The following TGFBR2 variants were observed in gnomAD, a reference collection of about 807,000 sequenced individuals.
TGFBR2 encodes TGF-beta receptor type-2.
In TGFBR2, 18 loss-of-function variants were observed where a neutral mutation model predicts 49.0. The ratio of observed to expected loss-of-function variants is 0.37; its 90% CI spans 0.25 to 0.54. The LOEUF (loss-of-function observed/expected upper bound fraction) is 0.54, where lower values mean the gene tolerates loss of function less well. Among genes scored for constraint, TGFBR2 ranks in the 20% least tolerant of loss-of-function variants. The pLI is 0.85. For missense variants in TGFBR2, 525 were observed against 722.6 expected (o/e 0.73, Z 3.13); for synonymous variants, 282 against 275.9 (o/e 1.02, Z -0.22).
chr3:30,660,109 G>T (rs13078527), intron 3 of TGFBR2, among the ~76,000 whole-genome samples: 1 of 152,048 alleles, frequency 6.6e-6, no homozygotes, highest in African/African-American at 2.4e-5. Flanking sequence ...TTAACTTTTA[G>T]AGAAATAATT....
At chr3:30,619,198 A>G (rs1478745587) in intron 1 of TGFBR2, among the ~76,000 whole-genome samples, 3 of 152,208 alleles carry the variant, frequency 2.0e-5, no homozygotes, top group Non-Finnish European at 2.9e-5. Flanking sequence ...CGCAAAATCT[A>G]TAACCATTTG....
At chr3:30,689,787 T>C (rs1464883459) in intron 6 of TGFBR2, among the ~76,000 whole-genome samples, 1 of 152,234 alleles carries the variant, frequency 6.6e-6, no homozygotes, top group Non-Finnish European at 1.5e-5. Context: ...GTTCTCGTAA[T>C]GATGCCATTA....
At chr3:30,677,437 C>T (rs1469000078) in intron 5 of TGFBR2, among the ~76,000 whole-genome samples, 1 of 152,198 alleles carries the variant, frequency 6.6e-6, no homozygotes, top group African/African-American at 2.4e-5. Flanking sequence ...CTATTTCTCC[C>T]ATCTTTGCTC....
chr3:30,659,430 A>G (rs995435), intron 3 of TGFBR2, among the ~76,000 whole-genome samples: 105,613 of 151,886 alleles, frequency 0.7, 37,114 homozygotes, highest in Non-Finnish European at 0.74. Context: ...ATGTCTGGCC[A>G]AGGAAATAAT....
At chr3:30,634,557 C>CT (rs776222789) in intron 1 of TGFBR2, among the ~76,000 whole-genome samples, 1 of 152,128 alleles carries the variant, frequency 6.6e-6, no homozygotes, top group African/African-American at 2.4e-5. Flanking sequence ...TTTAGGTTGA[C>CT]TAATTTTGCT....
intron 1 of TGFBR2, among the ~76,000 whole-genome samples, chr3:30,620,459 A>G (rs769327117): frequency 6.6e-6 from 1 of 151,586 alleles, no homozygotes; most frequent in Non-Finnish European, 1.5e-5. Context: ...ATTGTTTGAC[A>G]GAACCATAGG....
At position 30,650,468 on chromosome 3, in the gene TGFBR2, T is replaced by A; in HGVS notation, c.454+8T>A. The A allele has an allele frequency of 6.2e-7, 1 of 1,613,942 alleles. No individual in the cohort carries two copies. Among genetic ancestry groups the A allele is most frequent in the Non-Finnish European group, 8.5e-7 (1 of 1,179,880 alleles). On this transcript the variant is annotated splice_region_variant and intron_variant, in intron 3 of 6. Transcript: ENST00000295754. ...ACATCATCTTCTCAGAAGGTGAGTT[T>A]TCTTCTCTTAAGGGTGTGGGACCTG...
intron 1 of TGFBR2, among the ~76,000 whole-genome samples, chr3:30,641,614 T>C (rs921943959): frequency 6.6e-6 from 1 of 152,180 alleles, no homozygotes; most frequent in African/African-American, 2.4e-5. Context: ...TGAAGTAATA[T>C]GCTGTATCTT....
rs1409753048 is a variant in TGFBR2 at position 30,645,378 on chromosome 3, C to T, written c.263+463C>T. 2.0e-5 allele frequency among the ~76,000 whole-genome samples: 3 copies of T among 152,016 alleles called. No individual in the cohort carries two copies. In the East Asian group the frequency reaches 5.8e-4, roughly 29 times the overall value. On this transcript the variant is annotated intron_variant, in intron 2 of 6. Transcript: ENST00000295754. ...CTACCAGCCAAAAATGGGGAATCTA[C>T]TTGGAGAACCACAAAAACAACCTGT...
At chr3:30,630,247 A>G (rs1480853720) in intron 1 of TGFBR2, among the ~76,000 whole-genome samples, 1 of 152,206 alleles carries the variant, frequency 6.6e-6, no homozygotes, top group African/African-American at 2.4e-5. Context: ...AATAGATAAG[A>G]TTCAGTGTGG....
At chr3:30,686,889 T>C (rs1215014295) in intron 5 of TGFBR2, among the ~76,000 whole-genome samples, 2 of 152,228 alleles carry the variant, frequency 1.3e-5, no homozygotes, top group Non-Finnish European at 2.9e-5. Flanking sequence ...ACTGCCACTT[T>C]GGAGAGAATC....
At chr3:30,649,239 G>A (rs888088782) in intron 2 of TGFBR2, among the ~76,000 whole-genome samples, 4 of 152,192 alleles carry the variant, frequency 2.6e-5, no homozygotes, top group African/African-American at 4.8e-5. Context: ...AGAGGTGAAA[G>A]GGTGGATGTC....
intron 5 of TGFBR2, among the ~76,000 whole-genome samples, chr3:30,686,223 A>G (rs1471410685): frequency 6.6e-6 from 1 of 152,242 alleles, no homozygotes; most frequent in African/African-American, 2.4e-5. Context: ...CAGATAAGTG[A>G]AAGACACCAA....
intron 1 of TGFBR2, among the ~76,000 whole-genome samples, chr3:30,624,261 G>T (rs763198506): frequency 3.3e-5 from 5 of 152,234 alleles, no homozygotes; most frequent in Admixed American, 6.5e-5. Flanking sequence ...ATAAAAGAAG[G>T]TATACATTGA....
rs140662877 is a variant in TGFBR2 at position 30,691,443 on chromosome 3, G to A, written c.1548G>A (p.Thr516=). 7.2e-5 allele frequency: 116 copies of A among 1,614,036 alleles called. 1 individual carries two copies. Among genetic ancestry groups the A allele is most frequent in the South Asian group, 3.8e-4 (35 of 91,062 alleles). The change falls in exon 7 of 7, where the codon ACG becomes ACA. Residue 516 remains threonine, a synonymous_variant. Coordinates refer to ENST00000295754, the MANE Select transcript of TGFBR2 (RefSeq NM_003242.6). ...AGGGCATCCAGATGGTGTGTGAGAC[G>A]TTGACTGAGTGCTGGGACCACGACC... ...NHQGIQMVCE[T]LTECWDHDPE... is the part of the protein sequence containing the mutation.
chr3:30,651,821 C>A (rs1034414947), intron 3 of TGFBR2, among the ~76,000 whole-genome samples: 1 of 152,232 alleles, frequency 6.6e-6, no homozygotes, highest in Admixed American at 6.5e-5. Flanking sequence ...CGTGTACCTT[C>A]TCCAACACTG....
intron 1 of TGFBR2, among the ~76,000 whole-genome samples, chr3:30,635,603 A>G (rs1698513336): frequency 6.6e-6 from 1 of 152,206 alleles, no homozygotes; most frequent in Admixed American, 6.5e-5. Flanking sequence ...GTAGAAGACT[A>G]AAAAAACTTC....
intron 3 of TGFBR2, among the ~76,000 whole-genome samples, chr3:30,664,281 C>A (rs372551885): frequency 6.6e-6 from 1 of 151,658 alleles, no homozygotes; most frequent in Non-Finnish European, 1.5e-5. Flanking sequence ...ACCATATCTT[C>A]CCCCCATTTT....
chr3:30,614,482 C>T (rs984819188), intron 1 of TGFBR2, among the ~76,000 whole-genome samples: 5 of 152,230 alleles, frequency 3.3e-5, no homozygotes, highest in South Asian at 2.1e-4. Context: ...TCCTATGGGG[C>T]GATAACACTG....
Sources: gnomAD v4.1 joint callset for allele counts (sites outside exome capture counted in the v4.1 genomes callset) on GRCh38, gnomAD v4.1.1 for gene constraint, MANE v1.5 for transcripts, NCBI Gene and HGNC (gene_info 2026-07-23, HGNC 2026-07-21) for gene names.